The following GMCL1 variants were observed in gnomAD, a reference collection of about 807,000 sequenced individuals.
GMCL1 encodes the protein germ cell-less protein-like 1.
A neutral mutation model predicts 75.5 loss-of-function variants in GMCL1; 54 were observed. That is an observed-to-expected ratio of 0.71 (90% confidence interval 0.57 to 0.90). The LOEUF (loss-of-function observed/expected upper bound fraction) is 0.90, where lower values mean the gene tolerates loss of function less well. GMCL1 is among the 40% of genes least tolerant of loss of function. GMCL1 has a pLI of 0.00. For synonymous variants in GMCL1, 210 were observed against 209.6 expected, an observed-to-expected ratio of 1.00 and a Z score of -0.02; for missense variants, 537 against 622.7, an observed-to-expected ratio of 0.86 and a Z score of 1.47.
At chr2:69,869,604 C>T in intron 11 of GMCL1, 115 bp from the exon 12 acceptor site, 1 of 970,772 alleles carries the variant, frequency 1.0e-6, no homozygotes. Flanking sequence ...AAAAGTCGAC[C>T]ACCCATGAGG....
intron 8 of GMCL1, among the ~76,000 whole-genome samples, chr2:69,851,057 ATTC>A (rs1266589775): frequency 6.6e-6 from 1 of 152,170 alleles, no homozygotes; most frequent in African/African-American, 2.4e-5. Flanking sequence ...ATTTGTAGGC[ATTC>A]TTTATGTATT....
chr2:69,844,203 G>T lies in GMCL1; in HGVS notation c.758+7G>T. 6.7e-7 allele frequency: 1 copy of T among 1,484,344 alleles called. No individual in the cohort carries two copies. The allele number at this position is 1,484,344 out of a possible 1,614,324, so 91.9% of individuals were successfully genotyped here. ...AACTTTTTAAAGAACTCAGGTATTT[G>T]AATTTCAAGTAACTTCATAATTAGT... On this transcript the variant is annotated splice_region_variant and intron_variant, in intron 6 of 13. Coordinates refer to ENST00000282570, the MANE Select transcript of GMCL1 (RefSeq NM_178439.5).
intron 8 of GMCL1, among the ~76,000 whole-genome samples, chr2:69,852,937 T>C (rs1675360902): frequency 6.6e-6 from 1 of 152,244 alleles, no homozygotes; most frequent in Non-Finnish European, 1.5e-5. Context: ...TAGAAAGTTT[T>C]CTACACAATT....
At chr2:69,839,682 T>A in intron 3 of GMCL1, 129 bp downstream of exon 3, 1 of 563,492 alleles carries the variant, frequency 1.8e-6, no homozygotes, top group Non-Finnish European at 3.2e-6. Context: ...AAGGTGATAA[T>A]TTGATGTTGA....
chr2:69,849,383 TG>T (rs1437825903), intron 7 of GMCL1, among the ~76,000 whole-genome samples: 2 of 152,124 alleles, frequency 1.3e-5, no homozygotes, highest in African/African-American at 4.8e-5. Context: ...TTTCCCAGGC[TG>T]GTCTAAACCT....
chr2:69,851,674 G>A (rs1420195079), intron 8 of GMCL1, among the ~76,000 whole-genome samples: 2 of 152,058 alleles, frequency 1.3e-5, no homozygotes, highest in African/African-American at 4.8e-5. Flanking sequence ...CTGGGGGGAG[G>A]ATCACCTGAC....
At chr2:69,832,395 A>T (rs1674699934) in intron 1 of GMCL1, among the ~76,000 whole-genome samples, 1 of 152,202 alleles carries the variant, frequency 6.6e-6, no homozygotes, top group South Asian at 2.1e-4. Flanking sequence ...TCCTTGATGA[A>T]TTGGCCCCTT....
intron 8 of GMCL1, among the ~76,000 whole-genome samples, chr2:69,854,494 G>T (rs1287841691): frequency 6.6e-6 from 1 of 152,054 alleles, no homozygotes; most frequent in Non-Finnish European, 1.5e-5. Flanking sequence ...GTCTTGGGAG[G>T]GGGATTCTGG....
intron 5 of GMCL1, among the ~76,000 whole-genome samples, chr2:69,843,705 C>T (rs1314451587): frequency 6.6e-6 from 1 of 152,172 alleles, no homozygotes; most frequent in Admixed American, 6.5e-5. Context: ...TCAGAGGATT[C>T]TTTGAGCCCA....
At chr2:69,845,098 C>T (rs75554398) in intron 6 of GMCL1, among the ~76,000 whole-genome samples, 2,488 of 152,322 alleles carry the variant, frequency 0.016, 36 homozygotes, top group Middle Eastern at 0.065. Context: ...GACATCCCCT[C>T]TCTTTGAGAA....
intron 8 of GMCL1, among the ~76,000 whole-genome samples, chr2:69,853,898 G>A (rs935273782): frequency 6.6e-6 from 1 of 151,992 alleles, no homozygotes; most frequent in Non-Finnish European, 1.5e-5. Context: ...TGCCTCCCGG[G>A]TTTAAGCAAT....
intron 1 of GMCL1, among the ~76,000 whole-genome samples, chr2:69,831,402 T>A (rs1381864191): frequency 6.6e-6 from 1 of 152,180 alleles, no homozygotes; most frequent in Non-Finnish European, 1.5e-5. Flanking sequence ...TACTATTCAG[T>A]AACTTTTTTA....
At chr2:69,860,397 C>T (rs1403075045) in intron 9 of GMCL1, among the ~76,000 whole-genome samples, 1 of 151,930 alleles carries the variant, frequency 6.6e-6, no homozygotes, top group Non-Finnish European at 1.5e-5. Context: ...TCTGTAATTA[C>T]AATTTTTATT....
chr2:69,831,458 A>G (rs368758930), intron 1 of GMCL1, among the ~76,000 whole-genome samples: 2 of 152,072 alleles, frequency 1.3e-5, no homozygotes. Context: ...GAGTCTCACT[A>G]TATTGCCCAG....
chr2:69,865,124 T>TA (rs1398672679), intron 11 of GMCL1, 149 bp downstream of exon 11: 4 of 564,668 alleles, frequency 7.1e-6, no homozygotes, highest in South Asian at 5.9e-5. Flanking sequence ...GGAAAGTAGT[T>TA]ACAGCCACCA....
intron 9 of GMCL1, among the ~76,000 whole-genome samples, chr2:69,860,172 G>A (rs149358569): frequency 6.6e-6 from 1 of 151,970 alleles, no homozygotes; most frequent in East Asian, 1.9e-4. Context: ...TTGTGGTTTT[G>A]GAGAGATCAG....
At chr2:69,844,644 A>G (rs1284131225) in intron 6 of GMCL1, 1 of 153,056 alleles carries the variant, frequency 6.5e-6, no homozygotes, top group African/African-American at 2.5e-5. Context: ...TGTGTCTCCT[A>G]TAAATGTATA....
intron 9 of GMCL1, among the ~76,000 whole-genome samples, chr2:69,858,648 T>C (rs1352147063): frequency 6.6e-6 from 1 of 152,190 alleles, no homozygotes; most frequent in Non-Finnish European, 1.5e-5. Context: ...TTGTGTTACA[T>C]TGACTTATTT....
At position 69,837,577 on chromosome 2, in the gene GMCL1, TTATC is replaced by T. The variant is rs1674854654; in HGVS notation, c.292_295del (p.Tyr98LysfsTer5). 1 of 1,593,202 alleles carries T rather than the reference TTATC, an allele frequency of 6.3e-7. No individual in the cohort carries two copies. Among genetic ancestry groups the T allele is most frequent in the Non-Finnish European group, 8.5e-7 (1 of 1,169,702 alleles). On this transcript the variant is annotated frameshift_variant, in exon 2 of 14. Transcript: ENST00000282570. LOFTEE classifies it high-confidence loss of function. ...AATTAAAGAGTACATCTAAATATAT[TTATC>T]AAACATTATTTTTGAATGGTGAAAA...
Sources: allele counts gnomAD v4.1 joint callset (sites outside exome capture counted in the v4.1 genomes callset), GRCh38; gene constraint gnomAD v4.1.1; transcripts MANE v1.5; gene names NCBI Gene and HGNC (gene_info 2026-07-23, HGNC 2026-07-21).